BFSP2: variants seen among roughly 807,000 people sequenced by gnomAD.
BFSP2 encodes the protein phakinin.
A neutral mutation model predicts 44.9 loss-of-function variants in BFSP2; 38 were observed. That is an observed-to-expected ratio of 0.85 (90% confidence interval 0.65 to 1.11). BFSP2 has a LOEUF of 1.11. Among genes scored for constraint, BFSP2 ranks in the 50% least tolerant of loss-of-function variants. The probability of loss-of-function intolerance (pLI) is 0.00; values close to 1 mark genes in which losing one functional copy is unlikely to be tolerated. For synonymous variants in BFSP2, 197 were observed against 209.9 expected, an observed-to-expected ratio of 0.94 and a Z score of 0.53; for missense variants, 525 against 533.0, an observed-to-expected ratio of 0.99 and a Z score of 0.15.
At chr3:133,466,630 G>A (rs561015329) in intron 4 of BFSP2, among the ~76,000 whole-genome samples, 198 bp from the exon 5 acceptor site, 35 of 121,574 alleles carry the variant, frequency 2.9e-4, no homozygotes, top group South Asian at 5.7e-4. Context: ...AGCTGAGATC[G>A]CACCACTGCA....
chr3:133,473,823 T>A (rs1162796086), intron 6 of BFSP2, among the ~76,000 whole-genome samples: 4 of 152,134 alleles, frequency 2.6e-5, no homozygotes, highest in Non-Finnish European at 5.9e-5. Flanking sequence ...TTTTTCTTAG[T>A]ACAGAACAAA....
At chr3:133,465,441 A>G (rs548463918) in intron 4 of BFSP2, among the ~76,000 whole-genome samples, 3 of 152,282 alleles carry the variant, frequency 2.0e-5, no homozygotes, top group Non-Finnish European at 4.4e-5. Context: ...TCCCTCCTCC[A>G]TTCTTGGCTA....
intron 1 of BFSP2, among the ~76,000 whole-genome samples, chr3:133,422,641 G>C (rs1186308650): frequency 6.6e-6 from 1 of 152,174 alleles, no homozygotes; most frequent in Non-Finnish European, 1.5e-5. Context: ...CCATTCTTTG[G>C]TTGGCTGGCT....
chr3:133,450,982 G>A (rs1214170070), intron 4 of BFSP2, among the ~76,000 whole-genome samples: 2 of 152,018 alleles, frequency 1.3e-5, no homozygotes, highest in African/African-American at 2.4e-5. Flanking sequence ...GCATTGGCAG[G>A]TGCCTGTAGT....
chr3:133,450,458 A>G lies in BFSP2; in HGVS notation c.885A>G (p.Gln295=). The change falls in exon 4 of 7, where the codon CAA becomes CAG. Residue 295 remains glutamine, a synonymous_variant. Coordinates refer to ENST00000302334, the MANE Select transcript of BFSP2 (RefSeq NM_003571.4). ...KNRVEAGALL[Q]AKQQAEVAHM... ...GGGTGGAGGCAGGAGCCCTGCTCCA[A>G]GCTAAGGTGAGAGGCAGGACCAGCA... 6.2e-7 allele frequency: 1 copy of G among 1,614,062 alleles called. No homozygotes were observed. Among genetic ancestry groups the G allele is most frequent in the Non-Finnish European group, 8.5e-7 (1 of 1,180,018 alleles).
intron 4 of BFSP2, among the ~76,000 whole-genome samples, chr3:133,453,232 C>T (rs749589714): frequency 8.5e-5 from 13 of 152,174 alleles, no homozygotes; most frequent in Non-Finnish European, 2.9e-5. Context: ...TGACATTTGC[C>T]CATCCTGAGC....
intron 1 of BFSP2, chr3:133,410,352 T>C: frequency 3.0e-6 from 1 of 332,714 alleles, no homozygotes; most frequent in South Asian, 2.6e-5. Flanking sequence ...GCCAGAGACA[T>C]GACTGTGACT....
At chr3:133,470,531 C>T (rs2074152487) in intron 5 of BFSP2, among the ~76,000 whole-genome samples, 1 of 152,152 alleles carries the variant, frequency 6.6e-6, no homozygotes, top group Non-Finnish European at 1.5e-5. Flanking sequence ...AACACAGATA[C>T]AGTTTTTTAA....
chr3:133,472,425 C>T lies in BFSP2; in HGVS notation c.1104C>T (p.Gly368=). The T allele has an allele frequency of 1.9e-6, 3 of 1,614,116 alleles. No individual in the cohort carries two copies. The highest frequency in any genetic ancestry group is 2.5e-6 in the Non-Finnish European group (3 of 1,179,986). Residue 368 remains glycine (G), a synonymous_variant, in exon 6 of 7, where the codon GGC becomes GGT. Coordinates refer to ENST00000302334, the MANE Select transcript of BFSP2 (RefSeq NM_003571.4). ...TCCAGAACCTGGGCGCTGTGGTCGG[C>T]CGGCTGGAGGCGGAGCTCAGGGAAA... ...MELQNLGAVV[G]RLEAELREIR... is the part of the protein sequence containing the mutation.
In BFSP2 at chr3:133,450,577, C is replaced by G. The variant is rs536642037; in HGVS notation, c.891+113C>G. On this transcript the variant is annotated intron_variant, in intron 4 of 6. Transcript: ENST00000302334. ...AATAACAACGGTTTAGTAACAAGTT[C>G]AACCTCATTAGAAACAGAAGAAATG... 1.5e-5 allele frequency: 19 copies of G among 1,232,540 alleles called. No homozygotes were observed. The East Asian group carries it at 3.8e-4, about 25-fold the overall frequency. The allele number at this position is 1,232,540 out of a possible 1,614,324, so 76.4% of individuals were successfully genotyped here.
chr3:133,472,302 G>C (rs1451908931), intron 5 of BFSP2, 43 bp from the exon 6 acceptor site: 1 of 1,576,462 alleles, frequency 6.3e-7, no homozygotes, highest in South Asian at 1.1e-5. Context: ...TCAAGGGCCC[G>C]GCCTGTTGTC....
At chr3:133,403,795 C>T (rs908465102) in intron 1 of BFSP2, among the ~76,000 whole-genome samples, 1 of 152,098 alleles carries the variant, frequency 6.6e-6, no homozygotes, top group African/African-American at 2.4e-5. Flanking sequence ...TCCCCTGTCC[C>T]CTGGAATCTC....
chr3:133,431,016 C>T (rs1330917440), intron 1 of BFSP2, among the ~76,000 whole-genome samples: 14 of 152,082 alleles, frequency 9.2e-5, no homozygotes, highest in South Asian at 2.1e-4. Flanking sequence ...TTTTTCTTTA[C>T]CCCAAATCAG....
At chr3:133,443,672 T>C (rs2073866912) in intron 1 of BFSP2, among the ~76,000 whole-genome samples, 1 of 152,190 alleles carries the variant, frequency 6.6e-6, no homozygotes, top group Admixed American at 6.5e-5. Context: ...TAGAAGCAAG[T>C]TATGCTGAAC....
At chr3:133,467,300 C>A (rs544441481) in intron 5 of BFSP2, among the ~76,000 whole-genome samples, 2 of 152,238 alleles carry the variant, frequency 1.3e-5, no homozygotes, top group South Asian at 2.1e-4. Context: ...GCCCTGCCCC[C>A]CAAGGCTCAG....
intron 5 of BFSP2, among the ~76,000 whole-genome samples, chr3:133,469,661 C>A (rs780474165): frequency 6.6e-6 from 1 of 152,220 alleles, no homozygotes; most frequent in Non-Finnish European, 1.5e-5. Flanking sequence ...CTGACTGAGC[C>A]AGTGTACTTG....
At chr3:133,442,319 G>T (rs1215407410) in intron 1 of BFSP2, among the ~76,000 whole-genome samples, 1 of 152,006 alleles carries the variant, frequency 6.6e-6, no homozygotes, top group Admixed American at 6.6e-5. Flanking sequence ...CTGTTTTTTT[G>T]TTTTGTTTTG....
rs1406271056 is a variant in BFSP2 at position 133,400,585 on chromosome 3, G to A, written c.489+13G>A. 1.3e-6 allele frequency: 2 copies of A among 1,584,256 alleles called. No homozygotes were observed. Among genetic ancestry groups the A allele is most frequent in the Admixed American group, 1.8e-5 (1 of 54,702 alleles). The stretch of plus-strand genomic sequence containing the variant: ...CAGCTGCCAGCAGGTAAGTGTCCAG[G>A]CTGTGCCAAGGGCTTTGCAGAGGGC... On this transcript the variant is annotated intron_variant, in intron 1 of 6. Coordinates refer to ENST00000302334, the MANE Select transcript of BFSP2 (RefSeq NM_003571.4). The surrounding 1 kb of genome is among the most constrained non-coding windows in gnomAD (Gnocchi z 4.0).
At chr3:133,431,624 C>G (rs1316178159) in intron 1 of BFSP2, among the ~76,000 whole-genome samples, 1 of 152,154 alleles carries the variant, frequency 6.6e-6, no homozygotes, top group South Asian at 2.1e-4. Context: ...TCAGAAGCCC[C>G]GCAGACCATC....
Sources: allele counts gnomAD v4.1 joint callset (sites outside exome capture counted in the v4.1 genomes callset), GRCh38; gene constraint gnomAD v4.1.1; non-coding constraint Gnocchi (gnomAD v3.1); transcripts MANE v1.5; gene names NCBI Gene and HGNC (gene_info 2026-07-23, HGNC 2026-07-21).